TENM4: variants seen among roughly 807,000 people sequenced by gnomAD.
TENM4 encodes teneurin transmembrane protein 4, also known as teneurin-4.
TENM4 carries 82 observed loss-of-function variants against 243.3 expected under a neutral mutation model. The ratio of observed to expected loss-of-function variants is 0.34; its 90% confidence interval spans 0.28 to 0.40. The LOEUF is 0.40. Among genes scored for constraint, TENM4 ranks in the 10% least tolerant of loss-of-function variants. The pLI, the probability that TENM4 is intolerant of heterozygous loss-of-function variation, is 1.00. For synonymous variants in TENM4, 1,412 were observed against 1,456.3 expected (o/e 0.97, Z 0.69); for missense variants, 3,138 against 3,673.3 (o/e 0.85, Z 3.77).
chr11:79,432,517 T>C (rs1206935663), intron 1 of TENM4, among the ~76,000 whole-genome samples: 2 of 152,184 alleles, frequency 1.3e-5, no homozygotes, highest in African/African-American at 4.8e-5. Context: ...ATACAAGCCC[T>C]TCACATTTAA....
At chr11:78,865,641 G>T (rs543749122) in intron 9 of TENM4, among the ~76,000 whole-genome samples, 2 of 152,294 alleles carry the variant, frequency 1.3e-5, no homozygotes, top group South Asian at 2.1e-4. Context: ...CTACCGAGGA[G>T]ACTGGAGCAC....
At chr11:78,727,430 G>A (rs886333247) in intron 22 of TENM4, among the ~76,000 whole-genome samples, 3 of 139,344 alleles carry the variant, frequency 2.2e-5, no homozygotes, top group Admixed American at 7.1e-5. Flanking sequence ...GCGAGACTCC[G>A]CCTCAAAAAA....
Position 78,837,398 on chromosome 11 carries a change from C to G in TENM4, c.1681+16706G>C, listed in dbSNP as rs56022517. ...ATGTGGAACTGTTAGTCCATTAAAC[C>G]TCTTTTTCTTTATAAATTACCCAGT... On this transcript the variant is annotated intron_variant, in intron 12 of 33. Coordinates refer to ENST00000278550, the MANE Select transcript of TENM4 (RefSeq NM_001098816.3). 7.9e-3 allele frequency among the ~76,000 whole-genome samples: 1,198 copies of G among 152,260 alleles called. 29 individuals are homozygous for G. Among genetic ancestry groups the G allele is most frequent in the African/African-American group, 0.028 (1,155 of 41,528 alleles).
At chr11:79,012,487 C>T (rs552329717) in intron 6 of TENM4, among the ~76,000 whole-genome samples, 7 of 152,234 alleles carry the variant, frequency 4.6e-5, no homozygotes, top group African/African-American at 1.2e-4. Context: ...CAGGAGAGTA[C>T]CCTTGTTTCC....
At chr11:79,148,362 T>C (rs540451250) in intron 4 of TENM4, among the ~76,000 whole-genome samples, 1 of 152,138 alleles carries the variant, frequency 6.6e-6, no homozygotes, top group South Asian at 2.1e-4. Flanking sequence ...TGTGGGGAGA[T>C]ACCAACCTCC....
intron 3 of TENM4, among the ~76,000 whole-genome samples, chr11:79,166,071 G>A (rs1256747682): frequency 6.6e-6 from 1 of 152,060 alleles, no homozygotes; most frequent in Non-Finnish European, 1.5e-5. Context: ...TGTCCTTAAG[G>A]TCCAGAAGAG....
chr11:78,786,950 G>T lies in TENM4; in HGVS notation c.2313C>A (p.Arg771=). The change falls in exon 16 of 34, where the codon CGC becomes CGA. Residue 771 remains arginine (R), a synonymous_variant. Coordinates refer to ENST00000278550, the MANE Select transcript of TENM4 (RefSeq NM_001098816.3). ...CAGGGCTGCACTCGCACTTGCCGTC[G>T]CGGCAGGTCCCATGCTCGGCACAGC... The part of the protein sequence containing the change: ...HPRCAEHGTC[R]DGKCECSPGW... The T allele has an allele frequency of 6.2e-7, 1 of 1,604,260 alleles. No homozygotes were observed. Among genetic ancestry groups the T allele is most frequent in the Non-Finnish European group, 8.5e-7 (1 of 1,175,910 alleles).
chr11:78,818,456 G>C (rs907816377), intron 12 of TENM4, among the ~76,000 whole-genome samples: 1 of 152,224 alleles, frequency 6.6e-6, no homozygotes, highest in Non-Finnish European at 1.5e-5. Flanking sequence ...GGCTACTGGT[G>C]TTAGAGAAGG....
intron 10 of TENM4, among the ~76,000 whole-genome samples, chr11:78,857,447 C>A (rs929526866): frequency 3.9e-5 from 6 of 152,146 alleles, no homozygotes; most frequent in South Asian, 2.1e-4. Context: ...TGAAGCCTGG[C>A]AGGGCATTGT....
intron 6 of TENM4, among the ~76,000 whole-genome samples, chr11:79,002,609 C>G (rs183355983): frequency 1.3e-5 from 2 of 152,244 alleles, no homozygotes; most frequent in East Asian, 1.9e-4. Flanking sequence ...CAAAATCAAA[C>G]CCCCAAGCGC....
intron 1 of TENM4, among the ~76,000 whole-genome samples, chr11:79,393,924 A>G (rs1858288044): frequency 6.6e-6 from 1 of 152,148 alleles, no homozygotes; most frequent in African/African-American, 2.4e-5. Flanking sequence ...GAGTAAGAAC[A>G]GGCCTGGAGG....
At chr11:79,421,912 C>A (rs1565339817) in intron 1 of TENM4, among the ~76,000 whole-genome samples, 1 of 152,080 alleles carries the variant, frequency 6.6e-6, no homozygotes, top group African/African-American at 2.4e-5. Flanking sequence ...CCAATCATCA[C>A]CCCCTTCAAT....
intron 1 of TENM4, among the ~76,000 whole-genome samples, chr11:79,416,620 C>T (rs1177888872): frequency 6.6e-6 from 1 of 152,092 alleles, no homozygotes; most frequent in Non-Finnish European, 1.5e-5. Flanking sequence ...GGTTTACATG[C>T]ACTGTATCAT....
chr11:79,293,827 A>G (rs517266), intron 2 of TENM4, among the ~76,000 whole-genome samples: 112,268 of 152,136 alleles, frequency 0.74, 41,641 homozygotes, highest in East Asian at 0.83. Flanking sequence ...ACCAGAGGCT[A>G]GCACACCAAT....
chr11:78,912,133 T>C (rs1856202813), intron 6 of TENM4, among the ~76,000 whole-genome samples: 1 of 152,022 alleles, frequency 6.6e-6, no homozygotes, highest in African/African-American at 2.4e-5. Context: ...GGCAGCAGTA[T>C]GGTGAGAGAC....
At chr11:78,891,108 A>G in intron 8 of TENM4, 130 bp downstream of exon 8, 1 of 755,928 alleles carries the variant, frequency 1.3e-6, no homozygotes, top group Non-Finnish European at 2.2e-6. Flanking sequence ...TTGAACACGG[A>G]CTTGGTGATG....
At chr11:79,335,196 G>A (rs1857127345) in intron 1 of TENM4, among the ~76,000 whole-genome samples, 1 of 152,210 alleles carries the variant, frequency 6.6e-6, no homozygotes, top group African/African-American at 2.4e-5. Flanking sequence ...CATAGTTCCA[G>A]GTTGATGTGG....
intron 6 of TENM4, among the ~76,000 whole-genome samples, chr11:78,956,006 C>T (rs144812575): frequency 5.3e-5 from 8 of 152,268 alleles, no homozygotes; most frequent in Non-Finnish European, 8.8e-5. Context: ...TGACTCTGTA[C>T]CTAGACAAAT....
chr11:79,209,139 G>T (rs1346646425), intron 3 of TENM4, among the ~76,000 whole-genome samples: 1 of 152,228 alleles, frequency 6.6e-6, no homozygotes, highest in African/African-American at 2.4e-5. Context: ...CATTTGGCTT[G>T]TAAATGGCTC....
Sources: allele counts gnomAD v4.1 joint callset (sites outside exome capture counted in the v4.1 genomes callset), GRCh38; gene constraint gnomAD v4.1.1; transcripts MANE v1.5; gene names NCBI Gene and HGNC (gene_info 2026-07-23, HGNC 2026-07-21).